SLC29A3: variants seen among roughly 807,000 people sequenced by gnomAD.
SLC29A3 encodes the protein equilibrative nucleoside transporter 3.
SLC29A3 carries 18 observed loss-of-function variants against 25.4 expected under a neutral mutation model. That is an observed-to-expected ratio of 0.71 (90% CI 0.49 to 1.05). The LOEUF (loss-of-function observed/expected upper bound fraction) is 1.05, where lower values mean the gene tolerates loss of function less well. Among genes scored for constraint, SLC29A3 ranks in the 50% least tolerant of loss-of-function variants. SLC29A3 has a pLI of 0.00. For missense variants in SLC29A3, 586 were observed against 609.0 expected (o/e 0.96, Z 0.40); for synonymous variants, 258 against 267.1 (o/e 0.97, Z 0.33).
intron 5 of SLC29A3, among the ~76,000 whole-genome samples, chr10:71,360,973 C>T (rs2131849983): frequency 6.6e-6 from 1 of 152,294 alleles, no homozygotes; most frequent in South Asian, 2.1e-4. Flanking sequence ...TAGTATAAGG[C>T]ATTTATATAT....
Position 71,362,389 on chromosome 10 carries a change from CCTGAAGA to C in SLC29A3, c.1213_1219del (p.Lys405TrpfsTer46). The stretch of plus-strand genomic sequence containing the variant: ...TCTGTAACTACCAGCCCCGCGTCCA[CCTGAAGA>C]CTGTGGTCTTCCAGTCCGATGTGTA... On this transcript the variant is annotated frameshift_variant, in exon 6 of 6. Coordinates refer to ENST00000373189, the MANE Select transcript of SLC29A3 (RefSeq NM_018344.6). LOFTEE classifies it high-confidence loss of function. 6.2e-7 allele frequency: 1 copy of C among 1,614,196 alleles called. No homozygotes were observed. The highest frequency in any genetic ancestry group is 8.5e-7 in the Non-Finnish European group (1 of 1,180,038).
intron 4 of SLC29A3, among the ~76,000 whole-genome samples, chr10:71,378,219 A>T (rs1362419904): frequency 6.6e-6 from 1 of 152,250 alleles, no homozygotes; most frequent in Non-Finnish European, 1.5e-5. Context: ...TTACAAAAAT[A>T]TACGACCATA....
chr10:71,329,457 C>CAA (rs1554814829), intron 2 of SLC29A3, among the ~76,000 whole-genome samples: 22 of 120,476 alleles, frequency 1.8e-4, no homozygotes, highest in Admixed American at 9.3e-4. Flanking sequence ...GACTCTGTCT[C>CAA]AAAAAAAAAA....
At chr10:71,345,496 C>T (rs1237145537) in intron 3 of SLC29A3, among the ~76,000 whole-genome samples, 1 of 152,202 alleles carries the variant, frequency 6.6e-6, no homozygotes, top group East Asian at 1.9e-4. Flanking sequence ...TCACTTTTGC[C>T]ACACTTGACT....
chr10:71,343,187 G>T (rs1029663418), intron 2 of SLC29A3, among the ~76,000 whole-genome samples: 1 of 152,116 alleles, frequency 6.6e-6, no homozygotes, highest in African/African-American at 2.4e-5. Context: ...GCCCAGGGTG[G>T]TCTCCTGGGT....
At chr10:71,371,835 C>T (rs750147708) in intron 3 of SLC29A3, among the ~76,000 whole-genome samples, 34 of 152,224 alleles carry the variant, frequency 2.2e-4, no homozygotes, top group Admixed American at 2.0e-3. Context: ...CTCCTCCCAT[C>T]GCCCTTGGAG....
intron 2 of SLC29A3, among the ~76,000 whole-genome samples, chr10:71,337,878 C>A (rs185171651): frequency 5.9e-5 from 9 of 152,360 alleles, no homozygotes; most frequent in Admixed American, 5.2e-4. Flanking sequence ...TCACATCTGG[C>A]CAGCTGGCTC....
intron 2 of SLC29A3, among the ~76,000 whole-genome samples, chr10:71,337,274 CCT>C (rs1846276673): frequency 1.3e-5 from 2 of 152,228 alleles, no homozygotes; most frequent in South Asian, 4.1e-4. Flanking sequence ...CAGCCCCACC[CCT>C]TATGGGGACA....
chr10:71,362,026 T>C lies in SLC29A3; in HGVS notation c.846T>C (p.Ser282=), dbSNP rs1159632057. The C allele has an allele frequency of 2.5e-6, 4 of 1,614,028 alleles. No individual in the cohort carries two copies. The highest frequency in any genetic ancestry group is 3.4e-6 in the Non-Finnish European group (4 of 1,180,016). The change falls in exon 6 of 6, where the codon AGT becomes AGC. Residue 282 remains serine, a synonymous_variant. Coordinates refer to ENST00000373189, the MANE Select transcript of SLC29A3 (RefSeq NM_018344.6). ...AGGAGCTTCCCCAGGACTCCCTCAG[T>C]GCCCCTTCGGTGGCCTCCAGATTCA... ...GEEELPQDSL[S]APSVASRFID... is the part of the protein sequence containing the mutation.
Position 71,351,014 on chromosome 10 carries a change from G to A in SLC29A3, c.384-548G>A, listed in dbSNP as rs369488426. ...ACACTGTTTGAGTGTTTGCTATGGCGACGATGATGATGAAGATGACGACGA... is the reference window on the plus strand; with the variant it reads ...ACACTGTTTGAGTGTTTGCTATGGCAACGATGATGATGAAGATGACGACGA... On this transcript the variant is annotated intron_variant, in intron 3 of 5. Transcript: ENST00000373189. Among the ~76,000 whole-genome samples, 5 of 152,344 alleles carry A rather than the reference G, an allele frequency of 3.3e-5. 1 individual carries two copies. In the East Asian group the frequency reaches 9.6e-4, roughly 29 times the overall value.
chr10:71,349,891 G>A (rs1178193907), intron 3 of SLC29A3, among the ~76,000 whole-genome samples: 1 of 152,190 alleles, frequency 6.6e-6, no homozygotes, highest in African/African-American at 2.4e-5. Flanking sequence ...GGTGGGTTTT[G>A]TGCCCCTCAG....
chr10:71,362,821 C>T lies in SLC29A3; in HGVS notation c.*213C>T, dbSNP rs1473338902. 1 of 706,730 alleles carries T rather than the reference C, an allele frequency of 1.4e-6. No individual in the cohort carries two copies. The highest frequency in any genetic ancestry group is 2.5e-6 in the Non-Finnish European group (1 of 392,810). The allele number at this position is 706,730 out of a possible 1,614,324, so 43.8% of individuals were successfully genotyped here. A position where few individuals can be genotyped will look rare whatever the true frequency, so the allele number is the denominator to read the frequency against. On this transcript the variant is annotated 3_prime_UTR_variant, in exon 6 of 6. Coordinates refer to ENST00000373189, the MANE Select transcript of SLC29A3 (RefSeq NM_018344.6). ...TTCCAGTCATATTAACAGAACACTC[C>T]TGAGACAGTTGAAGAAGAAATAGCA...
chr10:71,354,049 T>C (rs892475931), intron 4 of SLC29A3, among the ~76,000 whole-genome samples: 18 of 152,196 alleles, frequency 1.2e-4, no homozygotes, highest in African/African-American at 4.1e-4. Context: ...TTACAGCTTC[T>C]CAGAAGTGGG....
chr10:71,376,110 T>G (rs1350683693), intron 4 of SLC29A3, among the ~76,000 whole-genome samples: 1 of 152,182 alleles, frequency 6.6e-6, no homozygotes, highest in African/African-American at 2.4e-5. Context: ...GACTTGAAAC[T>G]CCAGGGAGTG....
chr10:71,326,332 G>A (rs910447377), intron 2 of SLC29A3, among the ~76,000 whole-genome samples: 2 of 152,198 alleles, frequency 1.3e-5, no homozygotes, highest in Non-Finnish European at 2.9e-5. Flanking sequence ...ACAGGGCCTG[G>A]CACCCCTATC....
intron 1 of SLC29A3, among the ~76,000 whole-genome samples, chr10:71,320,965 A>G (rs879810721): frequency 1.3e-5 from 2 of 151,326 alleles, no homozygotes; most frequent in Non-Finnish European, 2.9e-5. Flanking sequence ...GTGTAACTTC[A>G]CTCTTGTCAT....
intron 2 of SLC29A3, among the ~76,000 whole-genome samples, chr10:71,336,031 T>C (rs552782135): frequency 6.6e-6 from 1 of 152,300 alleles, no homozygotes; most frequent in South Asian, 2.1e-4. Flanking sequence ...CATTAGTTTC[T>C]TGTGGCTGCC....
chr10:71,363,762 T>G (rs1847130155), downstream of SLC29A3, among the ~76,000 whole-genome samples: 1 of 150,996 alleles, frequency 6.6e-6, no homozygotes, highest in African/African-American at 2.4e-5. Flanking sequence ...TGTGAGCCAC[T>G]GTGCCCAGCC....
chr10:71,355,976 G>A (rs912629849), intron 4 of SLC29A3, 105 bp from the exon 5 acceptor site: 12 of 1,349,654 alleles, frequency 8.9e-6, no homozygotes, highest in East Asian at 4.6e-5. Context: ...TTTTTCGCAC[G>A]GAGGAATTTT....
Sources: gnomAD v4.1 joint callset for allele counts (sites outside exome capture counted in the v4.1 genomes callset) on GRCh38, gnomAD v4.1.1 for gene constraint, MANE v1.5 for transcripts, NCBI Gene and HGNC (gene_info 2026-07-23, HGNC 2026-07-21) for gene names.